MAGI1: variants seen among roughly 807,000 people sequenced by gnomAD.
MAGI1 encodes the protein membrane-associated guanylate kinase, WW and PDZ domain-containing protein 1.
In MAGI1, 58 loss-of-function variants were observed where a neutral mutation model predicts 139.9. The observed-to-expected ratio is 0.41, with a 90% CI of 0.34 to 0.52. The LOEUF (loss-of-function observed/expected upper bound fraction) is 0.52, where lower values mean the gene tolerates loss of function less well. Ranked by LOEUF, MAGI1 falls within the 20% of genes least tolerant of loss-of-function variation. MAGI1 has a pLI of 0.12. For synonymous variants in MAGI1, 812 were observed against 737.9 expected, an observed-to-expected ratio of 1.10 and a Z score of -1.63; for missense variants, 1,874 against 1,901.6, an observed-to-expected ratio of 0.99 and a Z score of 0.27.
At chr3:65,389,855 C>T (rs959389675) in intron 14 of MAGI1, among the ~76,000 whole-genome samples, 11 of 152,202 alleles carry the variant, frequency 7.2e-5, no homozygotes, top group African/African-American at 2.7e-4. Flanking sequence ...ACCAAGAAGG[C>T]AGTAATATTT....
At chr3:65,425,140 A>AAAAAAAAAAAAAG (rs1946943430) in intron 12 of MAGI1, among the ~76,000 whole-genome samples, 1 of 145,474 alleles carries the variant, frequency 6.9e-6, no homozygotes, top group Admixed American at 6.9e-5. Context: ...AAACAAAAAA[A>AAAAAAAAAAAAAG]AACACACATG....
rs916437394 is a variant in MAGI1, at chr3:65,698,511, C to T, written c.314-76423G>A. On this transcript the variant is annotated intron_variant, in intron 1 of 22. Transcript: ENST00000402939. ...CTACAGTAACCAAAACAGCATGGTA[C>T]TGGTACCAAAACAGAGATGTAGATC... is the stretch of plus-strand genomic sequence containing the variant. 6.1e-4 allele frequency among the ~76,000 whole-genome samples: 93 copies of T among 151,822 alleles called. 1 individual carries two copies. Among genetic ancestry groups the T allele is most frequent in the Non-Finnish European group, 8.4e-4 (57 of 67,874 alleles).
At chr3:65,737,238 C>CT (rs1005675557) in intron 1 of MAGI1, among the ~76,000 whole-genome samples, 14 of 152,188 alleles carry the variant, frequency 9.2e-5, no homozygotes, top group African/African-American at 3.1e-4. Context: ...ATCTCCTGAC[C>CT]TCGTGATCCA....
At position 65,846,983 on chromosome 3, in the gene MAGI1, A is replaced by AAAAAAAC. The variant is rs1553716721; in HGVS notation, c.313+191012_313+191013insGTTTTTT. Among the ~76,000 whole-genome samples, 42 of 147,484 alleles carry AAAAAAAC rather than the reference A, an allele frequency of 2.8e-4. 1 individual carries two copies. Among genetic ancestry groups the AAAAAAAC allele is most frequent in the Admixed American group, 2.6e-3 (36 of 14,020 alleles). ...AAGAATAGCAATGTCTTACAAAAAA[A>AAAAAAAC]AAAAAAAAAAAAACCCTAAGCACAT... is the stretch of plus-strand genomic sequence containing the variant. On this transcript the variant is annotated intron_variant, in intron 1 of 22. Transcript: ENST00000402939.
intron 1 of MAGI1, among the ~76,000 whole-genome samples, chr3:66,004,614 A>C (rs1184982508): frequency 2.0e-5 from 3 of 152,166 alleles, no homozygotes; most frequent in African/African-American, 7.2e-5. Flanking sequence ...TATAGACATC[A>C]CCTTCCCCAC....
intron 1 of MAGI1, among the ~76,000 whole-genome samples, chr3:65,853,505 A>T (rs992189827): frequency 5.3e-5 from 8 of 152,162 alleles, no homozygotes; most frequent in Non-Finnish European, 1.5e-5. Context: ...AATGCATACC[A>T]TGCTTTTACC....
intron 17 of MAGI1, among the ~76,000 whole-genome samples, chr3:65,378,977 C>T (rs914491604): frequency 6.6e-6 from 1 of 152,132 alleles, no homozygotes; most frequent in African/African-American, 2.4e-5. Flanking sequence ...CAACAGCGCC[C>T]GGCTGCTATT....
chr3:65,463,375 A>T (rs953062925), intron 5 of MAGI1, among the ~76,000 whole-genome samples: 1 of 152,070 alleles, frequency 6.6e-6, no homozygotes, highest in Admixed American at 6.6e-5. Flanking sequence ...GGTTTTTGTC[A>T]TTGGTTCTGT....
intron 1 of MAGI1, among the ~76,000 whole-genome samples, chr3:65,748,488 A>G (rs2035879278): frequency 6.6e-6 from 1 of 152,202 alleles, no homozygotes; most frequent in African/African-American, 2.4e-5. Context: ...AGAGTCCAGA[A>G]TAGAAGGAAA....
intron 2 of MAGI1, among the ~76,000 whole-genome samples, chr3:65,516,760 C>T (rs1559629528): frequency 8.8e-6 from 1 of 113,654 alleles, no homozygotes. Flanking sequence ...CGGAGTCTCG[C>T]TCTGTGGCCC....
chr3:65,365,479 A>G (rs1941325227), intron 18 of MAGI1, among the ~76,000 whole-genome samples: 1 of 152,190 alleles, frequency 6.6e-6, no homozygotes, highest in African/African-American at 2.4e-5. Context: ...GCTTTTAATA[A>G]AGCACAACTG....
chr3:65,844,207 T>G, intron 1 of MAGI1: 1 of 500,262 alleles, frequency 2.0e-6, no homozygotes, highest in South Asian at 1.5e-5. Flanking sequence ...AACTTAAGAG[T>G]TTGGATATAG....
chr3:65,621,617 T>C (rs908734586), intron 2 of MAGI1, among the ~76,000 whole-genome samples: 1 of 152,170 alleles, frequency 6.6e-6, no homozygotes, highest in Non-Finnish European at 1.5e-5. Flanking sequence ...AATGTTAACA[T>C]TTATGGAGGC....
At chr3:65,667,980 T>C (rs1304825681) in intron 1 of MAGI1, among the ~76,000 whole-genome samples, 9 of 152,184 alleles carry the variant, frequency 5.9e-5, no homozygotes, top group Non-Finnish European at 1.3e-4. Context: ...CTGTGTAATG[T>C]TTCTGTTAAT....
chr3:65,579,384 G>A (rs549289520), intron 2 of MAGI1, among the ~76,000 whole-genome samples: 5 of 152,268 alleles, frequency 3.3e-5, no homozygotes, highest in Admixed American at 2.6e-4. Context: ...GTTCCTTTCT[G>A]TGGTTAAGTG....
intron 2 of MAGI1, among the ~76,000 whole-genome samples, chr3:65,506,382 AT>A (rs780512856): frequency 1.9e-4 from 29 of 152,200 alleles, no homozygotes; most frequent in Non-Finnish European, 3.5e-4. Context: ...CTAAAGGGAA[AT>A]GGTTATGGAA....
chr3:65,676,465 A>G (rs182450183), intron 1 of MAGI1, among the ~76,000 whole-genome samples: 5 of 152,294 alleles, frequency 3.3e-5, no homozygotes, highest in Non-Finnish European at 5.9e-5. Flanking sequence ...TTTTTTTTAA[A>G]AAACGTACTT....
chr3:65,622,191 G>A lies in MAGI1; in HGVS notation c.314-103C>T, dbSNP rs2083710835. ...AAGAAAGCCACAGGATGCAGTTCTA[G>A]CCTGCCACCCCTAGTCATTAGGAGG... On this transcript the variant is annotated intron_variant, in intron 1 of 22. Transcript: ENST00000402939. 3 of 813,672 alleles carry A rather than the reference G, an allele frequency of 3.7e-6. No homozygotes were observed. In the South Asian group the frequency reaches 4.2e-5, roughly 11 times the overall value. 50.4% of individuals were successfully genotyped at this position (813,672 alleles called of 1,614,324 possible).
chr3:65,913,463 G>A (rs1486042387), intron 1 of MAGI1, among the ~76,000 whole-genome samples: 1 of 152,094 alleles, frequency 6.6e-6, no homozygotes, highest in Non-Finnish European at 1.5e-5. Context: ...TTTGGGAGAG[G>A]CAACCCCAAA....
Sources: gnomAD v4.1 joint callset for allele counts (sites outside exome capture counted in the v4.1 genomes callset) on GRCh38, gnomAD v4.1.1 for gene constraint, MANE v1.5 for transcripts, NCBI Gene and HGNC (gene_info 2026-07-23, HGNC 2026-07-21) for gene names.